TRIOBP: variants seen among roughly 807,000 people sequenced by gnomAD.
TRIOBP encodes TRIO and F-actin-binding protein.
In TRIOBP, 169 loss-of-function variants were observed where a neutral mutation model predicts 238.8. That is an observed-to-expected ratio of 0.71 (90% CI 0.62 to 0.80). TRIOBP has a LOEUF of 0.80. Among genes scored for constraint, TRIOBP ranks in the 30% least tolerant of loss-of-function variants. TRIOBP has a pLI of 0.00. For missense variants in TRIOBP, 2,838 were observed against 3,122.6 expected (o/e 0.91, Z 2.17); for synonymous variants, 1,150 against 1,274.4 (o/e 0.90, Z 2.08).
intron 19 of TRIOBP, 23 bp downstream of exon 19, chr22:37,768,199 C>T: frequency 6.3e-7 from 1 of 1,585,360 alleles, no homozygotes; most frequent in Non-Finnish European, 8.6e-7. Context: ...CGGGGCCCAA[C>T]TGCCCACCCT....
intron 4 of TRIOBP, among the ~76,000 whole-genome samples, chr22:37,712,484 A>G (rs1434111003): frequency 6.6e-6 from 1 of 151,982 alleles, no homozygotes; most frequent in African/African-American, 2.4e-5. Context: ...GGTGTGTGCC[A>G]CCACCATGCC....
intron 17 of TRIOBP, among the ~76,000 whole-genome samples, chr22:37,763,060 G>A (rs915523933): frequency 6.6e-5 from 10 of 152,112 alleles, no homozygotes; most frequent in Middle Eastern, 3.2e-3. Flanking sequence ...GCCCCTGTTC[G>A]TCAGCTGAGT....
Position 37,726,103 on chromosome 22 carries a change from G to T in TRIOBP, c.3547G>T (p.Glu1183Ter). 6.4e-7 allele frequency: 1 copy of T among 1,554,450 alleles called. No individual in the cohort carries two copies. Among genetic ancestry groups the T allele is most frequent in the African/African-American group, 1.4e-5 (1 of 72,888 alleles). ...SFSSPPRQAP[E>*]PSLFFQDPPG... ...CTCATCCCCACCACGCCAGGCTCCT[G>T]AGCCATCCCTCTTCTTCCAGGATCC... is the stretch of plus-strand genomic sequence containing the variant. The change falls in exon 7 of 24, where the codon GAG becomes TAG. Residue 1183 changes from glutamate to a stop codon, truncating the protein, a stop_gained. Coordinates refer to ENST00000644935, the MANE Select transcript of TRIOBP (RefSeq NM_001039141.3). LOFTEE classifies it high-confidence loss of function.
chr22:37,733,433 G>C (rs1002589462), intron 8 of TRIOBP, 21 bp downstream of exon 8: 3 of 1,543,160 alleles, frequency 1.9e-6, no homozygotes, highest in Non-Finnish European at 1.8e-6. Context: ...CCAGCTGTCT[G>C]GGGCCCCGCA....
At chr22:37,736,211 A>G (rs376833932) in intron 9 of TRIOBP, among the ~76,000 whole-genome samples, 2 of 152,144 alleles carry the variant, frequency 1.3e-5, no homozygotes, top group African/African-American at 4.8e-5. Flanking sequence ...GTGGGCAGGG[A>G]GGGTCTTGGA....
chr22:37,757,239 T>C lies in TRIOBP; in HGVS notation c.5688-374T>C, dbSNP rs372782732. Among the ~76,000 whole-genome samples the C allele has an allele frequency of 1.1e-4, 16 of 152,290 alleles. No individual in the cohort carries two copies. In the South Asian group the frequency reaches 1.9e-3, roughly 18 times the overall value. On this transcript the variant is annotated intron_variant, in intron 15 of 23. Coordinates refer to ENST00000644935, the MANE Select transcript of TRIOBP (RefSeq NM_001039141.3). ...TTAGCTGGGCGTGGTGGTGCATGTCTGTAGTCCCAGCTACTCCAGAGGCCG... is the reference window on the plus strand; with the variant it reads ...TTAGCTGGGCGTGGTGGTGCATGTCCGTAGTCCCAGCTACTCCAGAGGCCG...
Position 37,735,422 on chromosome 22 carries a change from C to G in TRIOBP, c.5086C>G (p.Pro1696Ala). ...GGGGAGCAGGAGCACTGCGAAGGGCCCCAGCTTGCCAGAGCTGCAGGTAAG... is the reference window on the plus strand; with the variant it reads ...GGGGAGCAGGAGCACTGCGAAGGGCGCCAGCTTGCCAGAGCTGCAGGTAAG... ...PLGSRSTAKG[P>A]SLPELQFQPE... The change falls in exon 9 of 24, where the codon CCC (proline) becomes GCC (alanine). Residue 1696 changes from proline (P) to alanine (A), a missense_variant. Transcript: ENST00000644935. The G allele has an allele frequency of 1.3e-6, 2 of 1,574,186 alleles. No homozygotes were observed. The highest frequency in any genetic ancestry group is 1.7e-6 in the Non-Finnish European group (2 of 1,160,392).
chr22:37,742,706 C>A (rs1186358561), intron 11 of TRIOBP, among the ~76,000 whole-genome samples: 4 of 152,166 alleles, frequency 2.6e-5, no homozygotes, highest in Non-Finnish European at 5.9e-5. Context: ...GCACGTCTGG[C>A]AGGAGGGGGC....
At chr22:37,758,398 A>G (rs977556598) in intron 16 of TRIOBP, among the ~76,000 whole-genome samples, 26 of 152,122 alleles carry the variant, frequency 1.7e-4, no homozygotes, top group Non-Finnish European at 1.6e-4. Context: ...GAAGGGAGAG[A>G]CCTGCCAGGC....
rs116104048 is a variant in TRIOBP at position 37,768,252 on chromosome 22, C to T, written c.6575+76C>T. ...GAACTTTGCTGAGGCCCCTTGGCAGCGGACACATCAGTTTGCCCCTAGCTG... is the reference window on the plus strand; with the variant it reads ...GAACTTTGCTGAGGCCCCTTGGCAGTGGACACATCAGTTTGCCCCTAGCTG... On this transcript the variant is annotated intron_variant, in intron 19 of 23. Coordinates refer to ENST00000644935, the MANE Select transcript of TRIOBP (RefSeq NM_001039141.3). 6.7e-4 allele frequency: 819 copies of T among 1,228,808 alleles called. 5 individuals carry two copies. The African/African-American group carries it at 0.011, about 16-fold the overall frequency. 76.1% of individuals were successfully genotyped at this position (1,228,808 alleles called of 1,614,324 possible).
chr22:37,735,587 C>A, intron 9 of TRIOBP, 145 bp downstream of exon 9: 1 of 941,316 alleles, frequency 1.1e-6, no homozygotes, highest in Non-Finnish European at 1.6e-6. Context: ...TGACCACAAC[C>A]CATCCCGATC....
At chr22:37,742,590 G>A (rs1344273421) in intron 11 of TRIOBP, among the ~76,000 whole-genome samples, 1 of 152,132 alleles carries the variant, frequency 6.6e-6, no homozygotes, top group African/African-American at 2.4e-5. Context: ...GCTCTTTGTG[G>A]TTAAGGCACC....
At position 37,725,765 on chromosome 22, in the gene TRIOBP, C is replaced by T. The variant is rs753438438; in HGVS notation, c.3209C>T (p.Ala1070Val). The change falls in exon 7 of 24, where the codon GCC becomes GTC. Residue 1070 changes from alanine (A) to valine (V), a missense_variant. This residue lies in a region of TRIOBP where 2,096 missense variants were observed against 2,137.4 expected (regional missense o/e 0.98). Coordinates refer to ENST00000644935, the MANE Select transcript of TRIOBP (RefSeq NM_001039141.3). ...PPAVCIGHRD[A>V]PRASSPPRHT... Reference sequence around the variant, plus strand: ...GCTGTGTGCATTGGACACCGAGATGCCCCCCGGGCGTCCTCGCCCCCCCGC... The same window carrying T: ...GCTGTGTGCATTGGACACCGAGATGTCCCCCGGGCGTCCTCGCCCCCCCGC... The T allele has an allele frequency of 5.1e-5, 82 of 1,611,114 alleles. No individual in the cohort carries two copies. Among genetic ancestry groups the T allele is most frequent in the Non-Finnish European group, 6.9e-5 (81 of 1,179,218 alleles).
At chr22:37,758,537 G>A (rs6000881) in intron 16 of TRIOBP, among the ~76,000 whole-genome samples, 55,407 of 151,930 alleles carry the variant, frequency 0.36, 11,267 homozygotes, top group East Asian at 0.6. Flanking sequence ...TTAGCTGGGC[G>A]TGCTGGTGCA....
intron 11 of TRIOBP, among the ~76,000 whole-genome samples, chr22:37,743,915 A>C (rs897900474): frequency 4.0e-4 from 58 of 146,450 alleles, no homozygotes; most frequent in African/African-American, 1.4e-3. Context: ...CAGGAAGAGA[A>C]GTGTTCCAGG....
intron 2 of TRIOBP, among the ~76,000 whole-genome samples, chr22:37,699,302 G>A (rs536351790): frequency 3.2e-4 from 48 of 151,788 alleles, no homozygotes; most frequent in Non-Finnish European, 6.6e-4. Flanking sequence ...TGCCTCCCTC[G>A]CTGTGCTTCC....
At chr22:37,750,948 C>G (rs1047810240) in intron 11 of TRIOBP, 2 of 365,864 alleles carry the variant, frequency 5.5e-6, no homozygotes, top group East Asian at 7.4e-5. Context: ...AACCGGTGGC[C>G]ACCTCCTCCC....
intron 17 of TRIOBP, chr22:37,760,182 A>G (rs529184782): frequency 2.0e-5 from 3 of 152,474 alleles, no homozygotes. Context: ...ATATTTGAGA[A>G]TATTCTATTA....
intron 4 of TRIOBP, among the ~76,000 whole-genome samples, chr22:37,712,812 C>T (rs1923320502): frequency 6.6e-6 from 1 of 151,590 alleles, no homozygotes; most frequent in Admixed American, 6.6e-5. Flanking sequence ...AAAAAATTAG[C>T]CAGGCGTGGT....
Sources: gnomAD v4.1 joint callset for allele counts (sites outside exome capture counted in the v4.1 genomes callset) on GRCh38, gnomAD v4.1.1 for gene constraint, gnomAD v4.1.1 regional missense constraint, MANE v1.5 for transcripts, NCBI Gene and HGNC (gene_info 2026-07-23, HGNC 2026-07-21) for gene names.